RIPOR1: variants seen among roughly 807,000 people sequenced by gnomAD.
The protein encoded by RIPOR1 is rho family-interacting cell polarization regulator 1.
Under a neutral mutation model 116.5 loss-of-function variants are expected in RIPOR1, and 58 were observed. The ratio of observed to expected loss-of-function variants is 0.50; its 90% CI spans 0.40 to 0.62. The LOEUF is 0.62. Ranked by LOEUF, RIPOR1 falls within the 20% of genes least tolerant of loss-of-function variation. The pLI is 0.00. For missense variants in RIPOR1, 1,372 were observed against 1,586.2 expected (o/e 0.86, Z 2.29); for synonymous variants, 605 against 650.0 (o/e 0.93, Z 1.05).
rs1184035126 is a variant in RIPOR1 at position 67,529,658 on chromosome 16, C to T, written c.-24+744C>T. On this transcript the variant is annotated intron_variant, in intron 1 of 21. Coordinates refer to ENST00000042381, the MANE Select transcript of RIPOR1 (RefSeq NM_024519.4). The surrounding 1 kb of genome is among the most constrained non-coding windows in gnomAD (Gnocchi z 4.1). ...CCAGGGTGAGCCCTGAGTCCGGCCT[C>T]CCCTACAGACCCTCCCCAGCCAGTT... 8 of 1,110,538 alleles carry T rather than the reference C, an allele frequency of 7.2e-6. No homozygotes were observed. The highest frequency in any genetic ancestry group is 1.0e-5 in the Non-Finnish European group (8 of 786,334). The allele number at this position is 1,110,538 out of a possible 1,614,324, so 68.8% of individuals were successfully genotyped here.
Position 67,542,508 on chromosome 16 carries a change from C to T in RIPOR1, c.1722C>T (p.Thr574=). Residue 574 remains threonine, a synonymous_variant, in exon 13 of 22, where the codon ACC becomes ACT. Coordinates refer to ENST00000042381, the MANE Select transcript of RIPOR1 (RefSeq NM_024519.4). This position sits in a 1 kb window ranked among gnomAD's most constrained non-coding sequence, Gnocchi z 4.6. The part of the protein sequence containing the change: ...SPLTHTTTGS[T]HKPIISTLTT... Reference sequence around the variant, plus strand: ...TCACTCACACTACTACAGGCTCCACCCACAAGCCCATAATCTCTACCCTTA... The same window carrying T: ...TCACTCACACTACTACAGGCTCCACTCACAAGCCCATAATCTCTACCCTTA... 6.2e-7 allele frequency: 1 copy of T among 1,613,928 alleles called. No individual in the cohort carries two copies. Among genetic ancestry groups the T allele is most frequent in the Non-Finnish European group, 8.5e-7 (1 of 1,179,960 alleles).
rs1259316819 is a variant in RIPOR1, at chr16:67,544,194, A to C, written c.2601-105A>C. Reference sequence around the variant, plus strand: ...TTACCCCACTGTCTGCTGTCGGTGCATCATCTTCTTCCTTTCTGGCATGGG... The same window carrying C: ...TTACCCCACTGTCTGCTGTCGGTGCCTCATCTTCTTCCTTTCTGGCATGGG... On this transcript the variant is annotated intron_variant, in intron 14 of 21. Transcript: ENST00000042381. This position sits in a 1 kb window ranked among gnomAD's most constrained non-coding sequence, Gnocchi z 5.1. 21 of 1,434,060 alleles carry C rather than the reference A, an allele frequency of 1.5e-5. No individual in the cohort carries two copies. Among genetic ancestry groups the C allele is most frequent in the Admixed American group, 4.3e-5 (2 of 46,942 alleles). The allele number at this position is 1,434,060 out of a possible 1,614,324, so 88.8% of individuals were successfully genotyped here.
In RIPOR1 at chr16:67,543,315, C is replaced by T. The variant is rs371270552; in HGVS notation, c.2479-33C>T. 38 of 1,606,334 alleles carry T rather than the reference C, an allele frequency of 2.4e-5. No homozygotes were observed. In the Admixed American group the frequency reaches 3.1e-4, roughly 13 times the overall value. On this transcript the variant is annotated intron_variant, in intron 13 of 21. Coordinates refer to ENST00000042381, the MANE Select transcript of RIPOR1 (RefSeq NM_024519.4). This position sits in a 1 kb window ranked among gnomAD's most constrained non-coding sequence, Gnocchi z 4.7. ...GCAACCAGGGAGGGCAGCCAGGGGG[C>T]GGCAGCCGCTCTGATGCCCTTCACA...
intron 20 of RIPOR1, 23 bp from the exon 21 acceptor site, chr16:67,546,118 C>T (rs2142639959): frequency 1.2e-6 from 2 of 1,612,858 alleles, no homozygotes; most frequent in East Asian, 4.5e-5. Context: ...CTGAGCCCAC[C>T]TCAATGCTCC....
In RIPOR1 at chr16:67,521,216, C is replaced by T. The variant is rs542524369; in HGVS notation, c.-24+2603C>T. Among the ~76,000 whole-genome samples the T allele has an allele frequency of 1.1e-3, 167 of 152,324 alleles. 1 individual carries two copies. Among genetic ancestry groups the T allele is most frequent in the African/African-American group, 3.9e-3 (161 of 41,564 alleles). On this transcript the variant is annotated intron_variant, in intron 1 of 1. Coordinates refer to the RIPOR1 transcript ENST00000562116. ...ACCCCCTTGAGCTGGCGGTATTTTG[C>T]CAAGTCCGTAACTGCAGTGTAGACA...
chr16:67,528,361 C>T (rs1359109420), upstream of RIPOR1: 2 of 152,310 alleles, frequency 1.3e-5, no homozygotes, highest in African/African-American at 4.8e-5. Flanking sequence ...TACAGCGACG[C>T]TGAGGCTGGC....
upstream of RIPOR1, among the ~76,000 whole-genome samples, chr16:67,527,373 A>C (rs1439955912): frequency 1.3e-5 from 2 of 152,046 alleles, no homozygotes; most frequent in African/African-American, 4.8e-5. Flanking sequence ...CAACAGAGGG[A>C]GACTCCGTCC....
chr16:67,528,280 T>G (rs2050565480), upstream of RIPOR1: 1 of 151,338 alleles, frequency 6.6e-6, no homozygotes, highest in Non-Finnish European at 1.5e-5. Context: ...ACCCAATGAG[T>G]GGGGAATGCA....
rs1333346091 is a variant in RIPOR1 at position 67,540,327 on chromosome 16, G to C, written c.595G>C (p.Glu199Gln). The C allele has an allele frequency of 3.1e-6, 5 of 1,614,064 alleles. No individual in the cohort carries two copies. Residue 199 changes from glutamate (E) to glutamine (Q), a missense_variant, in exon 8 of 22, where the codon GAG becomes CAG. This residue lies in a region of RIPOR1 where 202 missense variants were observed against 295.9 expected (regional missense o/e 0.68). Coordinates refer to ENST00000042381, the MANE Select transcript of RIPOR1 (RefSeq NM_024519.4). The surrounding 1 kb of genome is among the most constrained non-coding windows in gnomAD (Gnocchi z 4.7). ...CATGTGTCTGCTGGAGAGCGAGCTG[G>C]AGGCACAGCTGGGCGAGTTTCATCT... Reference protein sequence around the residue: ...ESMCLLESELEAQLGEFHLRM... With the variant: ...ESMCLLESELQAQLGEFHLRM...
chr16:67,535,106 G>A (rs980271308), intron 1 of RIPOR1, among the ~76,000 whole-genome samples: 3 of 152,134 alleles, frequency 2.0e-5, no homozygotes, highest in African/African-American at 7.2e-5. Flanking sequence ...GCCTCCCAAA[G>A]TGTTGGGATT....
In RIPOR1 at chr16:67,519,946, C is replaced by A. The variant is rs952021093; in HGVS notation, c.-24+1333C>A. On this transcript the variant is annotated intron_variant, in intron 1 of 1. Transcript: ENST00000562116. Reference sequence around the variant, plus strand: ...GTGTGGTGGCGGGCACCTGTAATCCCAGCTACTCGGGAGGCTGAGGCAGAA... The same window carrying A: ...GTGTGGTGGCGGGCACCTGTAATCCAAGCTACTCGGGAGGCTGAGGCAGAA... 6.7e-5 allele frequency among the ~76,000 whole-genome samples: 10 copies of A among 150,302 alleles called. 1 individual carries two copies. In the Middle Eastern group the frequency reaches 0.011, roughly 160 times the overall value.
upstream of RIPOR1, chr16:67,528,811 G>T: frequency 6.5e-6 from 1 of 154,752 alleles, no homozygotes; most frequent in South Asian, 1.8e-4. Context: ...GGCGGAGGGA[G>T]GGGCCGGCGC....
chr16:67,538,634 T>A (rs774719944), intron 2 of RIPOR1, 38 bp from the exon 3 acceptor site: 2 of 1,609,882 alleles, frequency 1.2e-6, no homozygotes, highest in Non-Finnish European at 1.7e-6. Flanking sequence ...TCTGGGGGAC[T>A]CCTGCTCTCC....
At chr16:67,520,540 C>T (rs1254296154) in intron 1 of RIPOR1, among the ~76,000 whole-genome samples, 2 of 151,558 alleles carry the variant, frequency 1.3e-5, no homozygotes, top group South Asian at 2.1e-4. Flanking sequence ...CTGTGGGTCA[C>T]GCCTGTAATC....
At chr16:67,520,162 G>A (rs1049468171) in intron 1 of RIPOR1, among the ~76,000 whole-genome samples, 21 of 150,632 alleles carry the variant, frequency 1.4e-4, no homozygotes, top group African/African-American at 4.6e-4. Context: ...CAGATCACTT[G>A]AGCTCAGGAG....
chr16:67,541,599 T>C lies in RIPOR1; in HGVS notation c.950+21T>C. Reference sequence around the variant, plus strand: ...TGGAGGTTGGTGGGGCTGAGAGGCTTGGAGGAGGGCCAGGAGGGCTGTGGC... The same window carrying C: ...TGGAGGTTGGTGGGGCTGAGAGGCTCGGAGGAGGGCCAGGAGGGCTGTGGC... On this transcript the variant is annotated intron_variant, in intron 11 of 21. Coordinates refer to ENST00000042381, the MANE Select transcript of RIPOR1 (RefSeq NM_024519.4). The surrounding 1 kb of genome is among the most constrained non-coding windows in gnomAD (Gnocchi z 4.6). 6.2e-7 allele frequency: 1 copy of C among 1,614,010 alleles called. No individual in the cohort carries two copies. The highest frequency in any genetic ancestry group is 8.5e-7 in the Non-Finnish European group (1 of 1,179,912).
At position 67,541,459 on chromosome 16, in the gene RIPOR1, T is replaced by C. The variant is rs1356828940; in HGVS notation, c.831T>C (p.His277=). Residue 277 remains histidine, a synonymous_variant, in exon 11 of 22, where the codon CAT becomes CAC. Coordinates refer to ENST00000042381, the MANE Select transcript of RIPOR1 (RefSeq NM_024519.4). The surrounding 1 kb of genome is among the most constrained non-coding windows in gnomAD (Gnocchi z 4.6). The stretch of plus-strand genomic sequence containing the variant: ...CAGAACTGAAGGGCCTGGCCAACCA[T>C]GTGGTTGTGGGCAGTGTCTCCTGTG... ...KVTELKGLAN[H]VVVGSVSCET... The C allele has an allele frequency of 3.1e-6, 5 of 1,613,940 alleles. No homozygotes were observed. The highest frequency in any genetic ancestry group is 3.4e-6 in the Non-Finnish European group (4 of 1,179,980).
intron 1 of RIPOR1, among the ~76,000 whole-genome samples, chr16:67,523,706 G>A (rs2050516582): frequency 6.7e-6 from 1 of 149,888 alleles, no homozygotes; most frequent in East Asian, 2.0e-4. Context: ...TTTGAGACAG[G>A]GTCTCGCTCT....
chr16:67,537,572 A>G lies in RIPOR1; in HGVS notation c.-23-852A>G. 2 of 1,412,818 alleles carry G rather than the reference A, an allele frequency of 1.4e-6. No individual in the cohort carries two copies. The highest frequency in any genetic ancestry group is 1.8e-6 in the Non-Finnish European group (2 of 1,082,064). The allele number at this position is 1,412,818 out of a possible 1,614,324, so 87.5% of individuals were successfully genotyped here. A position where few individuals can be genotyped will look rare whatever the true frequency, so the allele number is the denominator to read the frequency against. ...GAGCGCGGGTCGGGGGCCGTCCCGG[A>G]CCCACCATGAACACCAAGAAGAGAG... is the stretch of plus-strand genomic sequence containing the variant. On this transcript the variant is annotated intron_variant, in intron 1 of 21. Coordinates refer to ENST00000042381, the MANE Select transcript of RIPOR1 (RefSeq NM_024519.4). This position sits in a 1 kb window ranked among gnomAD's most constrained non-coding sequence, Gnocchi z 4.6.
Sources: gnomAD v4.1 joint callset for allele counts (sites outside exome capture counted in the v4.1 genomes callset) on GRCh38, gnomAD v4.1.1 for gene constraint, gnomAD v4.1.1 regional missense constraint, Gnocchi (gnomAD v3.1) non-coding constraint, MANE v1.5 for transcripts, NCBI Gene and HGNC (gene_info 2026-07-23, HGNC 2026-07-21) for gene names.